CELF2: variants seen among roughly 807,000 people sequenced by gnomAD.
The protein encoded by CELF2 is CUG triplet repeat RNA-binding protein 2.
A neutral mutation model predicts 62.6 loss-of-function variants in CELF2; 8 were observed. The observed-to-expected ratio is 0.13, with a 90% CI of 0.07 to 0.23. The LOEUF (loss-of-function observed/expected upper bound fraction) is 0.23. CELF2 is among the 10% of genes least tolerant of loss of function. The pLI, the probability that CELF2 is intolerant of heterozygous loss-of-function variation, is 1.00. For synonymous variants in CELF2, 258 were observed against 250.0 expected (o/e 1.03, Z -0.30); for missense variants, 333 against 671.0 (o/e 0.50, Z 5.56).
At chr10:10,933,270 T>C (rs1379077314) in intron 2 of CELF2, among the ~76,000 whole-genome samples, 2 of 152,124 alleles carry the variant, frequency 1.3e-5, no homozygotes, top group Non-Finnish European at 2.9e-5. Context: ...ACCACTGCAC[T>C]CCAGCCTAGG....
rs2095018891 is a variant in CELF2 at position 11,316,696 on chromosome 10, CCG to C, written c.1096+2439_1096+2440del. ...TCTGAATAGAGCCAACTCTTACCCA[CCG>C]ACACAGCGGTCAGCAAGAAAGCAGG... On this transcript the variant is annotated intron_variant, in intron 10 of 12. Transcript: ENST00000633077. The surrounding 1 kb of genome is among the most constrained non-coding windows in gnomAD (Gnocchi z 4.4). 6.6e-6 allele frequency: 1 copy of C among 152,170 alleles called. No homozygotes were observed. The highest frequency in any genetic ancestry group is 1.5e-5 in the Non-Finnish European group (1 of 68,034). The allele number at this position is 152,170 out of a possible 1,614,324, so 9.4% of individuals were successfully genotyped here. A position where few individuals can be genotyped will look rare whatever the true frequency, so the allele number is the denominator to read the frequency against.
rs551339305 is a variant in CELF2, at chr10:11,136,887, C to T, written c.75-28599C>T. On this transcript the variant is annotated intron_variant, in intron 1 of 12. Coordinates refer to ENST00000633077, the MANE Select transcript of CELF2 (RefSeq NM_001326342.2). The stretch of plus-strand genomic sequence containing the variant: ...TTTGGAATTTTTGAAACACAGGCCA[C>T]CTCTGCTTCAGATGGCATATCATTC... Among the ~76,000 whole-genome samples, 4 of 152,308 alleles carry T rather than the reference C, an allele frequency of 2.6e-5. No homozygotes were observed. In the East Asian group the frequency reaches 7.7e-4, roughly 29 times the overall value.
chr10:10,542,253 T>C, the CELF2 span, among the ~76,000 whole-genome samples: 30,363 of 152,080 alleles, frequency 0.2, 4,940 homozygotes, highest in East Asian at 0.66. Flanking sequence ...AACTGAGATA[T>C]AGAGGGTTGA....
chr10:11,250,069 G>A (rs1172868503), intron 4 of CELF2, among the ~76,000 whole-genome samples: 1 of 152,242 alleles, frequency 6.6e-6, no homozygotes, highest in Admixed American at 6.5e-5. Context: ...TGTAAATTAT[G>A]ATTGGGCTCT....
chr10:11,190,800 A>C (rs1396667190), intron 2 of CELF2, among the ~76,000 whole-genome samples: 3 of 150,010 alleles, frequency 2.0e-5, no homozygotes, highest in African/African-American at 7.4e-5. Flanking sequence ...AAAAAAAAAA[A>C]AAAGCCATTG....
chr10:10,771,318 G>A, the CELF2 span, among the ~76,000 whole-genome samples: 1 of 152,180 alleles, frequency 6.6e-6, no homozygotes, highest in Non-Finnish European at 1.5e-5. Context: ...GATATTGCCA[G>A]TGTGATGTAA....
At chr10:10,823,675 G>A (rs1335268327) in intron 1 of CELF2, among the ~76,000 whole-genome samples, 1 of 152,098 alleles carries the variant, frequency 6.6e-6, no homozygotes, top group Non-Finnish European at 1.5e-5. Flanking sequence ...ATGCGGCAGA[G>A]ATAATCGTAT....
At chr10:10,832,068 G>A (rs2057906610) in intron 1 of CELF2, among the ~76,000 whole-genome samples, 1 of 151,742 alleles carries the variant, frequency 6.6e-6, no homozygotes, top group Non-Finnish European at 1.5e-5. Flanking sequence ...AGGAGTTCGA[G>A]ACTATCCTGG....
chr10:10,671,709 G>T, the CELF2 span, among the ~76,000 whole-genome samples: 1 of 151,578 alleles, frequency 6.6e-6, no homozygotes, highest in Admixed American at 6.6e-5. Flanking sequence ...CTTTTCAAAT[G>T]CTTATTTGCC....
intron 1 of CELF2, among the ~76,000 whole-genome samples, chr10:11,020,986 A>G (rs573464982): frequency 3.4e-4 from 52 of 152,358 alleles, no homozygotes; most frequent in African/African-American, 1.1e-3. Context: ...ATCATCTACA[A>G]TATTAGCCAC....
At chr10:10,905,884 GAA>G (rs542102265) in intron 1 of CELF2, among the ~76,000 whole-genome samples, 2 of 99,800 alleles carry the variant, frequency 2.0e-5, no homozygotes, top group Admixed American at 1.0e-4. Flanking sequence ...TCTCAAAAAA[GAA>G]AAAAAAAAAA....
At chr10:11,089,007 G>C (rs993215172) in intron 1 of CELF2, among the ~76,000 whole-genome samples, 2 of 152,208 alleles carry the variant, frequency 1.3e-5, no homozygotes, top group Non-Finnish European at 2.9e-5. Flanking sequence ...AGAGAGGCGA[G>C]CTTCTGTAGG....
intron 2 of CELF2, among the ~76,000 whole-genome samples, chr10:10,949,776 G>C (rs2048103794): frequency 6.8e-6 from 1 of 147,744 alleles, no homozygotes; most frequent in Admixed American, 6.8e-5. Context: ...ACTGCAACCT[G>C]GTTAACAGAG....
At chr10:11,025,587 A>G (rs2059070353) in intron 1 of CELF2, among the ~76,000 whole-genome samples, 1 of 152,110 alleles carries the variant, frequency 6.6e-6, no homozygotes, top group South Asian at 2.1e-4. Flanking sequence ...AGTTGAGTAA[A>G]ACTCTCTTCT....
intron 1 of CELF2, among the ~76,000 whole-genome samples, chr10:10,908,729 T>G (rs377034943): frequency 1.9e-4 from 29 of 152,360 alleles, no homozygotes; most frequent in African/African-American, 6.5e-4. Flanking sequence ...CATAAGTGGC[T>G]GCTCAGAGCT....
chr10:10,561,887 T>C, the CELF2 span, among the ~76,000 whole-genome samples: 1 of 152,304 alleles, frequency 6.6e-6, no homozygotes, highest in Middle Eastern at 3.4e-3. Context: ...CCTTTCTTTT[T>C]CCCCCAGGGC....
intron 1 of CELF2, among the ~76,000 whole-genome samples, chr10:11,124,036 G>A (rs971082166): frequency 6.6e-6 from 1 of 152,212 alleles, no homozygotes; most frequent in Non-Finnish European, 1.5e-5. Flanking sequence ...ATGGTGGCAG[G>A]CAGGAGAGCT....
chr10:10,796,638 AC>A (rs1285055496), upstream of CELF2, among the ~76,000 whole-genome samples: 3 of 152,218 alleles, frequency 2.0e-5, no homozygotes, highest in Non-Finnish European at 4.4e-5. Flanking sequence ...AGTTGCGGAC[AC>A]TATTTCATTA....
upstream of CELF2, among the ~76,000 whole-genome samples, chr10:11,004,862 GAA>G (rs2054924658): frequency 6.6e-6 from 1 of 152,144 alleles, no homozygotes; most frequent in Non-Finnish European, 1.5e-5. This position sits in a 1 kb window ranked among gnomAD's most constrained non-coding sequence, Gnocchi z 5.0. Context: ...CAGTGTCCCA[GAA>G]AAGAGAGGCA....
Sources: allele counts gnomAD v4.1 joint callset (sites outside exome capture counted in the v4.1 genomes callset), GRCh38; gene constraint gnomAD v4.1.1; non-coding constraint Gnocchi (gnomAD v3.1); transcripts MANE v1.5; gene names NCBI Gene and HGNC (gene_info 2026-07-23, HGNC 2026-07-21).